CSMD1: variants seen among roughly 807,000 people sequenced by gnomAD.
The protein encoded by CSMD1 is CUB and sushi domain-containing protein 1.
In CSMD1, 213 loss-of-function variants were observed where a neutral mutation model predicts 417.5. The ratio of observed to expected loss-of-function variants is 0.51; its 90% confidence interval spans 0.46 to 0.57. The LOEUF is 0.57. CSMD1 is among the 20% of genes least tolerant of loss of function. CSMD1 has a pLI of 0.00. For missense variants in CSMD1, 6,923 were observed against 4,529.7 expected (o/e 1.53, Z -15.17); for synonymous variants, 2,862 against 1,736.8 (o/e 1.65, Z -16.11).
intron 6 of CSMD1, among the ~76,000 whole-genome samples, chr8:3,737,422 A>G (rs1259773023): frequency 6.6e-6 from 1 of 152,236 alleles, no homozygotes; most frequent in Non-Finnish European, 1.5e-5. Context: ...AAAGAAATGC[A>G]AATTATTTTA....
At chr8:4,444,452 A>C (rs1041472413) in intron 2 of CSMD1, among the ~76,000 whole-genome samples, 2 of 151,592 alleles carry the variant, frequency 1.3e-5, no homozygotes, top group Non-Finnish European at 2.9e-5. Flanking sequence ...AGCATGTGAG[A>C]AAACCACCTG....
rs147500125 is a variant in CSMD1, at chr8:4,577,477, C to T, written c.302+59865G>A. 4.1e-3 allele frequency among the ~76,000 whole-genome samples: 630 copies of T among 152,312 alleles called. 7 individuals carry two copies. The East Asian group carries it at 0.074, about 18-fold the overall frequency. ...AGCTCCAAGCGTGCTCCCCTCCTTC[C>T]TCTTCCCTATGCCACCACAGCACCC... On this transcript the variant is annotated intron_variant, in intron 2 of 69. Transcript: ENST00000635120.
chr8:3,569,235 G>T (rs943465791), intron 10 of CSMD1, among the ~76,000 whole-genome samples: 1 of 152,050 alleles, frequency 6.6e-6, no homozygotes, highest in Non-Finnish European at 1.5e-5. Flanking sequence ...ATTTTCTAAC[G>T]ATAGATATTT....
intron 5 of CSMD1, among the ~76,000 whole-genome samples, chr8:3,938,527 G>C (rs572791780): frequency 2.6e-5 from 4 of 152,276 alleles, no homozygotes; most frequent in African/African-American, 4.8e-5. Context: ...GACAGACTCT[G>C]TTGGGGGATG....
At chr8:3,987,523 G>C (rs1357298946) in intron 5 of CSMD1, among the ~76,000 whole-genome samples, 1 of 152,114 alleles carries the variant, frequency 6.6e-6, no homozygotes, top group Non-Finnish European at 1.5e-5. Flanking sequence ...CCAAAAATCT[G>C]GGAGTCTGAC....
rs1799959357 is a variant in CSMD1, at chr8:3,686,666, T to C, written c.1009+21748A>G. Among the ~76,000 whole-genome samples the C allele has an allele frequency of 3.9e-5, 6 of 152,170 alleles. No homozygotes were observed. The South Asian group carries it at 1.2e-3, about 32-fold the overall frequency. ...AAACAAACCTTGCTACACTAACACT[T>C]ATCCACCTGGTCACTTCTCTAGCCG... On this transcript the variant is annotated intron_variant, in intron 7 of 69. Coordinates refer to ENST00000635120, the MANE Select transcript of CSMD1 (RefSeq NM_033225.6).
At chr8:3,138,069 T>TA (rs370260461) in intron 41 of CSMD1, among the ~76,000 whole-genome samples, 2,928 of 151,988 alleles carry the variant, frequency 0.019, 99 homozygotes, top group African/African-American at 0.062. Flanking sequence ...CTACTAAAAA[T>TA]AAAAAAATTA....
intron 2 of CSMD1, among the ~76,000 whole-genome samples, chr8:4,503,626 A>G (rs1400897144): frequency 3.9e-5 from 6 of 152,164 alleles, no homozygotes; most frequent in Non-Finnish European, 8.8e-5. Flanking sequence ...AGTAATGATC[A>G]TCACTGCAAC....
At position 4,599,962 on chromosome 8, in the gene CSMD1, C is replaced by G. The variant is rs558418000; in HGVS notation, c.302+37380G>C. Among the ~76,000 whole-genome samples, 4 of 152,262 alleles carry G rather than the reference C, an allele frequency of 2.6e-5. No individual in the cohort carries two copies. The East Asian group carries it at 7.7e-4, about 29-fold the overall frequency. On this transcript the variant is annotated intron_variant, in intron 2 of 69. Coordinates refer to ENST00000635120, the MANE Select transcript of CSMD1 (RefSeq NM_033225.6). ...TGGATCTGACACGCATATGCTCTGTCCATCCACCTCCATGGAGGTGTTCAC... is the reference window on the plus strand; with the variant it reads ...TGGATCTGACACGCATATGCTCTGTGCATCCACCTCCATGGAGGTGTTCAC...
chr8:3,335,859 G>A (rs567616427), intron 23 of CSMD1, among the ~76,000 whole-genome samples: 1 of 152,140 alleles, frequency 6.6e-6, no homozygotes, highest in Non-Finnish European at 1.5e-5. Flanking sequence ...GGCTCAGAGA[G>A]GTGAATTCAT....
At chr8:4,721,386 A>T (rs185787853) in intron 1 of CSMD1, among the ~76,000 whole-genome samples, 20 of 152,330 alleles carry the variant, frequency 1.3e-4, no homozygotes, top group Admixed American at 3.3e-4. Flanking sequence ...ACTAAGAATC[A>T]TCAAATATAA....
chr8:3,693,841 T>C (rs531837986), intron 7 of CSMD1, among the ~76,000 whole-genome samples: 1 of 151,234 alleles, frequency 6.6e-6, no homozygotes, highest in South Asian at 2.1e-4. Context: ...GTGTTGTGTG[T>C]GTTAGGGTAT....
chr8:3,939,170 CT>C (rs1810705753), intron 5 of CSMD1, among the ~76,000 whole-genome samples: 2 of 152,068 alleles, frequency 1.3e-5, no homozygotes, highest in Admixed American at 6.6e-5. Context: ...AACATAGTTT[CT>C]GAGTGACAGA....
At chr8:4,501,288 G>A (rs1802247304) in intron 2 of CSMD1, among the ~76,000 whole-genome samples, 1 of 152,100 alleles carries the variant, frequency 6.6e-6, no homozygotes, top group Admixed American at 6.5e-5. Context: ...CGAACAGGAT[G>A]CTTAAAAACA....
chr8:4,572,139 G>T lies in CSMD1; in HGVS notation c.302+65203C>A, dbSNP rs534828598. On this transcript the variant is annotated intron_variant, in intron 2 of 69. Coordinates refer to ENST00000635120, the MANE Select transcript of CSMD1 (RefSeq NM_033225.6). ...AAATTTAAGGTTAATATTGTTATGTGTGAATTCGAACCTGTCATCATGGTG... is the reference window on the plus strand; with the variant it reads ...AAATTTAAGGTTAATATTGTTATGTTTGAATTCGAACCTGTCATCATGGTG... Among the ~76,000 whole-genome samples, 4 of 152,200 alleles carry T rather than the reference G, an allele frequency of 2.6e-5. No homozygotes were observed. The South Asian group carries it at 8.3e-4, about 31-fold the overall frequency.
At chr8:4,047,897 T>C (rs117248088) in intron 3 of CSMD1, among the ~76,000 whole-genome samples, 1 of 152,184 alleles carries the variant, frequency 6.6e-6, no homozygotes, top group African/African-American at 2.4e-5. Flanking sequence ...AGCCTTTAGT[T>C]TGATTTTATG....
chr8:2,957,754 G>T lies in CSMD1; in HGVS notation c.9756C>A (p.Ser3252=). The T allele has an allele frequency of 5.6e-6, 9 of 1,599,702 alleles. No individual in the cohort carries two copies. Among genetic ancestry groups the T allele is most frequent in the Non-Finnish European group, 7.7e-6 (9 of 1,172,488 alleles). ...RCRKGYHIQG[S]TTRTCLANLT... ...AATTGGCAAGGCAGGTGCGAGTCGT[G>T]GAACCTTGAATATGGTAGCCTTTTC... The change falls in exon 63 of 70, where the codon TCC becomes TCA. Residue 3252 remains serine (S), a synonymous_variant. Transcript: ENST00000635120.
intron 50 of CSMD1, among the ~76,000 whole-genome samples, chr8:3,046,448 G>A (rs960282455): frequency 6.6e-6 from 1 of 152,148 alleles, no homozygotes; most frequent in African/African-American, 2.4e-5. Flanking sequence ...CTTCACCTCT[G>A]CTTCTTTTTA....
At chr8:4,541,789 T>A (rs1350040802) in intron 2 of CSMD1, among the ~76,000 whole-genome samples, 1 of 152,028 alleles carries the variant, frequency 6.6e-6, no homozygotes, top group Non-Finnish European at 1.5e-5. Flanking sequence ...ATCACCATGC[T>A]TGACCAAAAA....
Sources: allele counts gnomAD v4.1 joint callset (sites outside exome capture counted in the v4.1 genomes callset), GRCh38; gene constraint gnomAD v4.1.1; transcripts MANE v1.5; gene names NCBI Gene and HGNC (gene_info 2026-07-23, HGNC 2026-07-21).